Variants in OPCML observed in about 807,000 individuals in gnomAD.
OPCML encodes opioid binding protein/cell adhesion molecule like, also known as opioid-binding protein/cell adhesion molecule.
OPCML carries 13 observed loss-of-function variants against 37.8 expected under a neutral mutation model. The ratio of observed to expected loss-of-function variants is 0.34; its 90% CI spans 0.22 to 0.55. The LOEUF (loss-of-function observed/expected upper bound fraction) is 0.55. OPCML is among the 20% of genes least tolerant of loss of function. OPCML has a pLI of 0.91. For missense variants in OPCML, 341 were observed against 435.6 expected (o/e 0.78, Z 1.93); for synonymous variants, 176 against 168.8 (o/e 1.04, Z -0.33).
chr11:133,112,891 G>A (rs1949278691), intron 1 of OPCML, among the ~76,000 whole-genome samples: 1 of 152,104 alleles, frequency 6.6e-6, no homozygotes, highest in Admixed American at 6.5e-5. Context: ...GGCTTTCGCT[G>A]TGTCAGCCTC....
At chr11:132,759,191 A>C (rs1183822293) in intron 2 of OPCML, among the ~76,000 whole-genome samples, 1 of 152,104 alleles carries the variant, frequency 6.6e-6, no homozygotes, top group African/African-American at 2.4e-5. Flanking sequence ...GTGCTGCTGG[A>C]TTCAGTTTGC....
chr11:133,035,388 C>T (rs1263302922), intron 1 of OPCML, among the ~76,000 whole-genome samples: 1 of 152,140 alleles, frequency 6.6e-6, no homozygotes, highest in African/African-American at 2.4e-5. Flanking sequence ...GAAAATGGGA[C>T]CTACAGGCAC....
In OPCML at chr11:133,208,171, G is replaced by A. The variant is rs1939188951; in HGVS notation, c.62-265161C>T. On this transcript the variant is annotated intron_variant, in intron 1 of 7. Transcript: ENST00000524381. This position sits in a 1 kb window ranked among gnomAD's most constrained non-coding sequence, Gnocchi z 8.9. ...CTTACTGTATTATACATTATGCTGG[G>A]GAAGGCAGACTGTCTATCTTGCTCA... 6.6e-6 allele frequency among the ~76,000 whole-genome samples: 1 copy of A among 152,028 alleles called. No individual in the cohort carries two copies. The highest frequency in any genetic ancestry group is 2.1e-4 in the South Asian group (1 of 4,820).
At chr11:133,151,951 C>T (rs1407572772) in intron 1 of OPCML, among the ~76,000 whole-genome samples, 1 of 152,200 alleles carries the variant, frequency 6.6e-6, no homozygotes, top group African/African-American at 2.4e-5. Context: ...ATGCTTCTAG[C>T]TCTTGACCTT....
intron 3 of OPCML, among the ~76,000 whole-genome samples, chr11:132,613,887 C>A (rs765516812): frequency 3.3e-5 from 5 of 152,024 alleles, no homozygotes. Context: ...CTTTTGAAAC[C>A]TCTTCTGGGG....
At chr11:132,664,347 A>G (rs1942131053) in intron 2 of OPCML, among the ~76,000 whole-genome samples, 1 of 152,114 alleles carries the variant, frequency 6.6e-6, no homozygotes, top group Non-Finnish European at 1.5e-5. Context: ...GTGGTCTTCT[A>G]TAGAGTACTC....
At chr11:133,178,048 T>C (rs1178683013) in intron 1 of OPCML, among the ~76,000 whole-genome samples, 2 of 152,202 alleles carry the variant, frequency 1.3e-5, no homozygotes, top group African/African-American at 4.8e-5. Flanking sequence ...TCAAGTGGTA[T>C]TCGTTTCCAA....
intron 3 of OPCML, among the ~76,000 whole-genome samples, chr11:132,600,905 C>T (rs1937834934): frequency 8.3e-6 from 1 of 119,826 alleles, no homozygotes; most frequent in African/African-American, 3.3e-5. Flanking sequence ...TGGACTTGAA[C>T]TCTTGGAACT....
intron 1 of OPCML, among the ~76,000 whole-genome samples, chr11:133,474,392 C>A (rs867016021): frequency 6.6e-6 from 1 of 152,210 alleles, no homozygotes; most frequent in African/African-American, 2.4e-5. Context: ...AACTAGAATG[C>A]CATTCATTTA....
chr11:132,448,622 C>T (rs1380877760), intron 4 of OPCML, among the ~76,000 whole-genome samples: 3 of 152,216 alleles, frequency 2.0e-5, no homozygotes, highest in Admixed American at 1.3e-4. Context: ...GTCTGTCTCC[C>T]TCTTACCATC....
chr11:133,213,562 C>G lies in OPCML; in HGVS notation c.62-270552G>C, dbSNP rs183897525. On this transcript the variant is annotated intron_variant, in intron 1 of 7. Coordinates refer to ENST00000524381, the MANE Select transcript of OPCML (RefSeq NM_001012393.5). ...ACAGTTTTGATTTTAGAGTTTTTAA[C>G]AGAAGTATAAAATTTGACATTCTCA... is the stretch of plus-strand genomic sequence containing the variant. Among the ~76,000 whole-genome samples, 3 of 152,246 alleles carry G rather than the reference C, an allele frequency of 2.0e-5. No individual in the cohort carries two copies. In the East Asian group the frequency reaches 5.8e-4, roughly 29 times the overall value.
intron 1 of OPCML, among the ~76,000 whole-genome samples, chr11:133,189,773 T>C (rs1938228549): frequency 6.6e-6 from 1 of 152,214 alleles, no homozygotes; most frequent in Non-Finnish European, 1.5e-5. Context: ...CTCCAATCAA[T>C]TCAAGGTAGA....
At chr11:132,592,921 C>T (rs919491897) in intron 3 of OPCML, among the ~76,000 whole-genome samples, 1 of 152,068 alleles carries the variant, frequency 6.6e-6, no homozygotes, top group Non-Finnish European at 1.5e-5. Flanking sequence ...AGGTGTCAGG[C>T]GTACAGCAAT....
In OPCML at chr11:132,436,800, C is replaced by T. The variant is rs539175823; in HGVS notation, c.644-21G>A. The T allele has an allele frequency of 3.7e-6, 6 of 1,612,738 alleles. No homozygotes were observed. In the East Asian group the frequency reaches 1.3e-4, roughly 36 times the overall value. On this transcript the variant is annotated intron_variant, in intron 5 of 7. Transcript: ENST00000524381. ...AGGATCTGTGGGAAACACACACACA[C>T]ACATGCACAGGCATGCACGCACGCA...
chr11:133,204,890 A>ATATATGTG (rs1555114239), intron 1 of OPCML, among the ~76,000 whole-genome samples: 1 of 131,984 alleles, frequency 7.6e-6, no homozygotes, highest in Non-Finnish European at 1.6e-5. Context: ...ATATATATAT[A>ATATATGTG]TATATATATA....
chr11:133,012,680 A>G (rs1330311991), intron 1 of OPCML, among the ~76,000 whole-genome samples: 1 of 152,158 alleles, frequency 6.6e-6, no homozygotes, highest in Non-Finnish European at 1.5e-5. Flanking sequence ...GTTCAAGACC[A>G]GCCTGACCAA....
At chr11:132,910,504 G>A (rs1036389460) in intron 2 of OPCML, among the ~76,000 whole-genome samples, 5 of 152,178 alleles carry the variant, frequency 3.3e-5, no homozygotes, top group South Asian at 2.1e-4. Context: ...TGCAAATGGC[G>A]CACAACCCTG....
intron 1 of OPCML, among the ~76,000 whole-genome samples, chr11:133,343,250 CT>C (rs1467644564): frequency 2.6e-5 from 4 of 152,240 alleles, no homozygotes; most frequent in East Asian, 1.9e-4. Context: ...TCACCCGCCC[CT>C]AATCACTCCG....
At chr11:132,576,057 T>C (rs1392265824) in intron 3 of OPCML, among the ~76,000 whole-genome samples, 1 of 152,090 alleles carries the variant, frequency 6.6e-6, no homozygotes, top group Admixed American at 6.6e-5. Flanking sequence ...ATGTAACCAG[T>C]TGTTTTTCTC....
Sources: allele counts gnomAD v4.1 joint callset (sites outside exome capture counted in the v4.1 genomes callset), GRCh38; gene constraint gnomAD v4.1.1; non-coding constraint Gnocchi (gnomAD v3.1); transcripts MANE v1.5; gene names NCBI Gene and HGNC (gene_info 2026-07-23, HGNC 2026-07-21).